CWC27: variants seen among roughly 807,000 people sequenced by gnomAD.
The protein encoded by CWC27 is CWC27 spliceosome associated cyclophilin.
Under a neutral mutation model 63.6 loss-of-function variants are expected in CWC27, and 47 were observed. That is an observed-to-expected ratio of 0.74 (90% CI 0.58 to 0.94). The LOEUF is 0.94. CWC27 is among the 40% of genes least tolerant of loss of function. The probability of loss-of-function intolerance (pLI) is 0.00; values close to 1 mark genes in which losing one functional copy is unlikely to be tolerated. For synonymous variants in CWC27, 175 were observed against 179.8 expected (o/e 0.97, Z 0.22); for missense variants, 495 against 554.3 (o/e 0.89, Z 1.07).
chr5:64,819,522 T>C (rs1018688280), intron 10 of CWC27, among the ~76,000 whole-genome samples: 7 of 151,976 alleles, frequency 4.6e-5, no homozygotes, highest in Non-Finnish European at 7.4e-5. Flanking sequence ...GTTCTCATGA[T>C]AGTGAATAAG....
At chr5:64,838,629 C>T (rs1745723291) in intron 10 of CWC27, among the ~76,000 whole-genome samples, 1 of 152,170 alleles carries the variant, frequency 6.6e-6, no homozygotes, top group Admixed American at 6.5e-5. Flanking sequence ...GACATGTTCT[C>T]ATCCAGAGGG....
chr5:64,959,420 T>C (rs546602188), intron 11 of CWC27, among the ~76,000 whole-genome samples: 2 of 152,326 alleles, frequency 1.3e-5, no homozygotes, highest in East Asian at 3.9e-4. Flanking sequence ...ACGATGGATT[T>C]TCTTAATAAA....
At chr5:64,940,850 T>C (rs1038072114) in intron 11 of CWC27, among the ~76,000 whole-genome samples, 5 of 140,394 alleles carry the variant, frequency 3.6e-5, no homozygotes, top group South Asian at 2.3e-4. Context: ...TTCTTTTTTT[T>C]TTTTTTTTTT....
chr5:64,991,915 G>T (rs990149822), intron 13 of CWC27, among the ~76,000 whole-genome samples: 1 of 152,038 alleles, frequency 6.6e-6, no homozygotes, highest in African/African-American at 2.4e-5. Flanking sequence ...GGGTATTTGG[G>T]CCAATTATCA....
intron 13 of CWC27, among the ~76,000 whole-genome samples, chr5:64,985,891 C>CTGGTAA: frequency 6.6e-6 from 1 of 152,064 alleles, no homozygotes; most frequent in South Asian, 2.1e-4. Flanking sequence ...TGTCTTTTAC[C>CTGGTAA]AGTGTATGGT....
chr5:64,922,266 T>G (rs889315869), intron 11 of CWC27, among the ~76,000 whole-genome samples: 9 of 152,242 alleles, frequency 5.9e-5, no homozygotes, highest in Admixed American at 5.2e-4. Context: ...TTCAGGAATG[T>G]CAATGAATTA....
intron 11 of CWC27, among the ~76,000 whole-genome samples, chr5:64,910,390 A>C (rs1393482841): frequency 6.6e-6 from 1 of 152,206 alleles, no homozygotes; most frequent in Non-Finnish European, 1.5e-5. Context: ...TCTCTCAGTT[A>C]GGCTACACAG....
intron 11 of CWC27, among the ~76,000 whole-genome samples, chr5:64,892,854 CT>C: frequency 6.7e-6 from 1 of 148,348 alleles, no homozygotes; most frequent in East Asian, 2.0e-4. Context: ...ATCTCTCGTT[CT>C]TTAAAAAAAA....
rs565746713 is a variant in CWC27 at position 64,814,850 on chromosome 5, A to G, written c.938+10464A>G. The stretch of plus-strand genomic sequence containing the variant: ...ACGAATTAGATTATTACACTAGTCC[A>G]GGGAGAAGTAATAAGGGCCTAACTA... On this transcript the variant is annotated intron_variant, in intron 10 of 13. Transcript: ENST00000381070. Among the ~76,000 whole-genome samples the G allele has an allele frequency of 9.2e-5, 14 of 152,308 alleles. 1 individual carries two copies. Among genetic ancestry groups the G allele is most frequent in the African/African-American group, 3.4e-4 (14 of 41,590 alleles).
intron 11 of CWC27, among the ~76,000 whole-genome samples, chr5:64,904,166 C>T (rs1165866332): frequency 6.6e-6 from 1 of 152,150 alleles, no homozygotes; most frequent in Admixed American, 6.5e-5. Flanking sequence ...CAGCTTCTGC[C>T]CACTACAAGG....
chr5:64,980,886 G>A (rs1331800497), intron 13 of CWC27, among the ~76,000 whole-genome samples: 1 of 152,212 alleles, frequency 6.6e-6, no homozygotes, highest in African/African-American at 2.4e-5. Context: ...GAGGTCAAGA[G>A]TTTGAGACCA....
chr5:64,801,304 A>C lies in CWC27; in HGVS notation c.752A>C (p.Glu251Ala), dbSNP rs766868055. 7.1e-7 allele frequency: 1 copy of C among 1,408,264 alleles called. No individual in the cohort carries two copies. The highest frequency in any genetic ancestry group is 1.5e-5 in the African/African-American group (1 of 65,952). The allele number at this position is 1,408,264 out of a possible 1,614,324, so 87.2% of individuals were successfully genotyped here. ...HLSSVPVVES[E>A]KGDAPDLVDD... ...TGTTTTGCTTATTTTTTTTATAGTG[A>C]AAAAGGTGATGCACCAGATTTAGTT... The change falls in exon 9 of 14, where the codon GAA (glutamate) becomes GCA (alanine). Residue 251 changes from glutamate to alanine, a missense_variant and splice_region_variant. Coordinates refer to ENST00000381070, the MANE Select transcript of CWC27 (RefSeq NM_005869.4).
At chr5:65,015,165 G>A (rs570545563) in intron 13 of CWC27, among the ~76,000 whole-genome samples, 4 of 152,076 alleles carry the variant, frequency 2.6e-5, no homozygotes, top group Middle Eastern at 3.4e-3. Context: ...TACCAGAGCC[G>A]ACTAAATCCA....
At chr5:64,794,507 G>A (rs1744190285) in intron 7 of CWC27, among the ~76,000 whole-genome samples, 1 of 152,034 alleles carries the variant, frequency 6.6e-6, no homozygotes, top group Non-Finnish European at 1.5e-5. Flanking sequence ...GCATTGTTTA[G>A]ATCATACTTG....
chr5:64,993,312 G>C (rs1211649527), intron 13 of CWC27, among the ~76,000 whole-genome samples: 1 of 152,074 alleles, frequency 6.6e-6, no homozygotes, highest in Non-Finnish European at 1.5e-5. Flanking sequence ...TAGTTATACA[G>C]TTCTCTTGAT....
At chr5:64,871,129 A>G (rs1166851452) in intron 10 of CWC27, among the ~76,000 whole-genome samples, 1 of 152,164 alleles carries the variant, frequency 6.6e-6, no homozygotes, top group Non-Finnish European at 1.5e-5. Flanking sequence ...ATCTCAAAGA[A>G]TGATTAGCAC....
Position 64,977,174 on chromosome 5 carries a change from C to G in CWC27, c.1192C>G (p.Gln398Glu). 2 of 1,612,556 alleles carry G rather than the reference C, an allele frequency of 1.2e-6. No homozygotes were observed. Among genetic ancestry groups the G allele is most frequent in the Non-Finnish European group, 1.7e-6 (2 of 1,179,138 alleles). ...GAACCAGTTTAAATCTAAACTCACT[C>G]AAGCAATTGCTGAAACGCCTGAAAA... is the stretch of plus-strand genomic sequence containing the variant. ...LLNQFKSKLT[Q>E]AIAETPENDI... Residue 398 changes from glutamine (Q) to glutamate (E), a missense_variant, in exon 13 of 14, where the codon CAA (glutamine) becomes GAA (glutamate). This residue lies in a region of CWC27 where 463 missense variants were observed against 498.1 expected (regional missense o/e 0.93). Coordinates refer to ENST00000381070, the MANE Select transcript of CWC27 (RefSeq NM_005869.4).
At chr5:64,858,543 T>C (rs899360064) in intron 10 of CWC27, among the ~76,000 whole-genome samples, 1 of 151,774 alleles carries the variant, frequency 6.6e-6, no homozygotes, top group Non-Finnish European at 1.5e-5. Flanking sequence ...ATATATTTGA[T>C]AAAAGATTTG....
At chr5:64,993,789 T>G (rs182463216) in intron 13 of CWC27, among the ~76,000 whole-genome samples, 125 of 152,284 alleles carry the variant, frequency 8.2e-4, no homozygotes, top group African/African-American at 3.0e-3. Flanking sequence ...ATAATGTAGT[T>G]AAAAAGCCAA....
Sources: gnomAD v4.1 joint callset for allele counts (sites outside exome capture counted in the v4.1 genomes callset) on GRCh38, gnomAD v4.1.1 for gene constraint, gnomAD v4.1.1 regional missense constraint, MANE v1.5 for transcripts, NCBI Gene and HGNC (gene_info 2026-07-23, HGNC 2026-07-21) for gene names.